CSMD1: variants seen among roughly 807,000 people sequenced by gnomAD.
CSMD1 encodes CUB and sushi domain-containing protein 1.
CSMD1 carries 213 observed loss-of-function variants against 417.5 expected under a neutral mutation model. That is an observed-to-expected ratio of 0.51 (90% CI 0.46 to 0.57). CSMD1 has a LOEUF of 0.57. Among genes scored for constraint, CSMD1 ranks in the 20% least tolerant of loss-of-function variants. The pLI, the probability that CSMD1 is intolerant of heterozygous loss-of-function variation, is 0.00. For synonymous variants in CSMD1, 2,862 were observed against 1,736.8 expected (o/e 1.65, Z -16.11); for missense variants, 6,923 against 4,529.7 (o/e 1.53, Z -15.17).
chr8:4,126,710 G>A (rs1196969770), intron 3 of CSMD1, among the ~76,000 whole-genome samples: 1 of 152,108 alleles, frequency 6.6e-6, no homozygotes, highest in Non-Finnish European at 1.5e-5. Flanking sequence ...TCACTCTCCT[G>A]GAAGCTGCTC....
chr8:4,503,317 A>C (rs1469203106), intron 2 of CSMD1, among the ~76,000 whole-genome samples: 1 of 152,134 alleles, frequency 6.6e-6, no homozygotes, highest in Non-Finnish European at 1.5e-5. Flanking sequence ...TCATTCATTC[A>C]ATAACTATTG....
chr8:3,186,599 GCTAT>G (rs796545700), intron 36 of CSMD1, among the ~76,000 whole-genome samples: 13 of 152,208 alleles, frequency 8.5e-5, no homozygotes, highest in African/African-American at 1.4e-4. Flanking sequence ...TGGCCTGTGC[GCTAT>G]CTATTTTCTT....
chr8:4,081,365 A>C (rs913546582), intron 3 of CSMD1, among the ~76,000 whole-genome samples: 3 of 152,200 alleles, frequency 2.0e-5, no homozygotes, highest in Non-Finnish European at 4.4e-5. Flanking sequence ...TGTGTGAATT[A>C]CAAACTGTGA....
At chr8:4,828,982 A>T (rs772298593) in intron 1 of CSMD1, among the ~76,000 whole-genome samples, 1 of 152,204 alleles carries the variant, frequency 6.6e-6, no homozygotes, top group Non-Finnish European at 1.5e-5. Flanking sequence ...CTGACACATG[A>T]TTATTTATCA....
rs373833616 is a variant in CSMD1 at position 3,108,652 on chromosome 8, C to A, written c.6705G>T (p.Lys2235Asn). ...CTCCATTTGAAAAGTCGCTGTGGAACTTGAGCAGGACTTGGTTGGTGGAGC... is the reference window on the plus strand; with the variant it reads ...CTCCATTTGAAAAGTCGCTGTGGAAATTGAGCAGGACTTGGTTGGTGGAGC... The part of the protein sequence containing the change: ...AYSSTNQVLL[K>N]FHSDFSNGGF... Residue 2235 changes from lysine to asparagine, a missense_variant, in exon 44 of 70, where the codon AAG becomes AAT. Lys to Asn is a moderately conservative substitution (Grantham distance 94, BLOSUM62 0). Transcript: ENST00000635120. The A allele has an allele frequency of 6.7e-5, 108 of 1,613,668 alleles. 2 individuals carry two copies. The Middle Eastern group carries it at 1.8e-3, about 27-fold the overall frequency.
chr8:3,806,194 C>G (rs117167237), intron 5 of CSMD1, among the ~76,000 whole-genome samples: 1 of 152,280 alleles, frequency 6.6e-6, no homozygotes, highest in South Asian at 2.1e-4. Context: ...TCCATTCAAA[C>G]GCAGAGTGCT....
intron 3 of CSMD1, among the ~76,000 whole-genome samples, chr8:4,343,120 C>T (rs1800574574): frequency 6.6e-6 from 1 of 152,018 alleles, no homozygotes; most frequent in South Asian, 2.1e-4. Flanking sequence ...TTATAACTCT[C>T]CAAAACATAA....
In CSMD1 at chr8:4,140,659, C is replaced by A. The variant is rs529698386; in HGVS notation, c.416-108560G>T. On this transcript the variant is annotated intron_variant, in intron 3 of 69. Coordinates refer to ENST00000635120, the MANE Select transcript of CSMD1 (RefSeq NM_033225.6). ...CTCCAGGCTGGGCAACAGAGCAAGA[C>A]CCTGTCTCAATTAAAAATAATAATA... 2.7e-5 allele frequency among the ~76,000 whole-genome samples: 4 copies of A among 150,884 alleles called. 1 individual carries two copies. The highest frequency in any genetic ancestry group is 2.1e-4 in the South Asian group (1 of 4,824).
rs187403433 is a variant in CSMD1, at chr8:4,461,575, A to G, written c.303-41510T>C. On this transcript the variant is annotated intron_variant, in intron 2 of 69. Coordinates refer to ENST00000635120, the MANE Select transcript of CSMD1 (RefSeq NM_033225.6). ...GTGGGTGGGGGTGGGGTGTTGGGGG[A>G]TACATCATCCCGTTGCCCAGTCTGA... Among the ~76,000 whole-genome samples, 418 of 149,272 alleles carry G rather than the reference A, an allele frequency of 2.8e-3. 4 individuals carry two copies. Among genetic ancestry groups the G allele is most frequent in the African/African-American group, 0.01 (407 of 39,540 alleles).
At chr8:3,575,541 A>G (rs1800115731) in intron 9 of CSMD1, among the ~76,000 whole-genome samples, 1 of 152,182 alleles carries the variant, frequency 6.6e-6, no homozygotes, top group Non-Finnish European at 1.5e-5. Flanking sequence ...CTGACCTCCA[A>G]TAAATTGTGT....
At chr8:4,683,260 A>G (rs992389451) in intron 1 of CSMD1, among the ~76,000 whole-genome samples, 4 of 152,104 alleles carry the variant, frequency 2.6e-5, no homozygotes, top group Non-Finnish European at 4.4e-5. Flanking sequence ...TCAGAAAGAT[A>G]TGTTAAAAGT....
At chr8:3,821,785 A>C (rs10104053) in intron 5 of CSMD1, among the ~76,000 whole-genome samples, 32,599 of 151,990 alleles carry the variant, frequency 0.21, 4,373 homozygotes, top group East Asian at 0.44. Flanking sequence ...CTGTCTCAAA[A>C]AAACAAACAA....
intron 3 of CSMD1, among the ~76,000 whole-genome samples, chr8:4,194,329 C>G (rs924238650): frequency 6.6e-6 from 1 of 152,096 alleles, no homozygotes; most frequent in African/African-American, 2.4e-5. Context: ...GATTTAGAAG[C>G]TTCAGGAGAA....
chr8:4,716,800 T>C (rs1366368418), intron 1 of CSMD1, among the ~76,000 whole-genome samples: 1 of 152,220 alleles, frequency 6.6e-6, no homozygotes, highest in East Asian at 1.9e-4. Flanking sequence ...CTCGCCTTTT[T>C]CCTTGCCATT....
At chr8:4,159,458 C>G (rs1179784322) in intron 3 of CSMD1, among the ~76,000 whole-genome samples, 1 of 152,112 alleles carries the variant, frequency 6.6e-6, no homozygotes. Flanking sequence ...GCACAATTCA[C>G]TACTGTAAAA....
chr8:3,761,940 G>A (rs181934521), intron 5 of CSMD1, among the ~76,000 whole-genome samples: 1 of 151,980 alleles, frequency 6.6e-6, no homozygotes, highest in South Asian at 2.1e-4. Flanking sequence ...ACTCTCTGAG[G>A]CACCATCATG....
At chr8:3,952,992 A>G (rs2554511) in intron 5 of CSMD1, among the ~76,000 whole-genome samples, 92,786 of 138,302 alleles carry the variant, frequency 0.67, 28,850 homozygotes, top group African/African-American at 0.76. Flanking sequence ...AAAATTAGAA[A>G]AATAACATTA....
intron 11 of CSMD1, among the ~76,000 whole-genome samples, chr8:3,479,339 G>C (rs955555500): frequency 6.6e-6 from 1 of 152,140 alleles, no homozygotes; most frequent in African/African-American, 2.4e-5. Flanking sequence ...GGAGTGCAGT[G>C]GCATGATCTT....
intron 3 of CSMD1, among the ~76,000 whole-genome samples, chr8:4,314,500 C>A (rs528875190): frequency 6.6e-6 from 1 of 152,108 alleles, no homozygotes; most frequent in African/African-American, 2.4e-5. Context: ...TCTAAGCAGT[C>A]TGGACTTTGC....
Sources: gnomAD v4.1 joint callset for allele counts (sites outside exome capture counted in the v4.1 genomes callset) on GRCh38, gnomAD v4.1.1 for gene constraint, MANE v1.5 for transcripts, NCBI Gene and HGNC (gene_info 2026-07-23, HGNC 2026-07-21) for gene names.